ULK2: variants seen among roughly 807,000 people sequenced by gnomAD.
ULK2 encodes the protein unc-51 like autophagy activating kinase 2.
A neutral mutation model predicts 127.5 loss-of-function variants in ULK2; 76 were observed. The ratio of observed to expected loss-of-function variants is 0.60; its 90% confidence interval spans 0.50 to 0.72. The LOEUF (loss-of-function observed/expected upper bound fraction) is 0.72. Ranked by LOEUF, ULK2 falls within the 30% of genes least tolerant of loss-of-function variation. The pLI is 0.00. For synonymous variants in ULK2, 452 were observed against 461.9 expected, an observed-to-expected ratio of 0.98 and a Z score of 0.28; for missense variants, 1,144 against 1,295.9, an observed-to-expected ratio of 0.88 and a Z score of 1.80.
intron 25 of ULK2, among the ~76,000 whole-genome samples, chr17:19,780,216 T>C (rs1164961391): frequency 1.3e-5 from 2 of 151,538 alleles, no homozygotes; most frequent in Non-Finnish European, 2.9e-5. Flanking sequence ...TCATGCCTAA[T>C]GCCAGCAATG....
intron 20 of ULK2, among the ~76,000 whole-genome samples, chr17:19,787,689 A>G (rs1028073973): frequency 1.6e-4 from 24 of 152,366 alleles, no homozygotes; most frequent in Non-Finnish European, 2.5e-4. Flanking sequence ...AGAAGGCTCC[A>G]CCAATTGTAC....
chr17:19,793,761 G>A (rs2087207365), intron 20 of ULK2, among the ~76,000 whole-genome samples: 1 of 152,010 alleles, frequency 6.6e-6, no homozygotes, highest in African/African-American at 2.4e-5. Flanking sequence ...CACACTAAAG[G>A]CCTATTTAAC....
rs145117582 is a variant in ULK2, at chr17:19,831,805, C to T, written c.788-5619G>A. Among the ~76,000 whole-genome samples the T allele has an allele frequency of 3.2e-3, 477 of 150,388 alleles. 1 individual carries two copies. The highest frequency in any genetic ancestry group is 5.3e-3 in the Non-Finnish European group (355 of 67,510). Reference sequence around the variant, plus strand: ...CTGTGCCACTGCACTCCAGCCTGGGCGACAGAGCAAGACTCTGTCTCAAAA... The same window carrying T: ...CTGTGCCACTGCACTCCAGCCTGGGTGACAGAGCAAGACTCTGTCTCAAAA... On this transcript the variant is annotated intron_variant, in intron 10 of 26. Transcript: ENST00000395544.
chr17:19,843,499 A>G (rs1597800943), intron 7 of ULK2, among the ~76,000 whole-genome samples: 1 of 152,114 alleles, frequency 6.6e-6, no homozygotes, highest in East Asian at 1.9e-4. Flanking sequence ...AAGTACAGTA[A>G]GAGGGCCGAA....
At chr17:19,814,439 T>TATATATATATATATATACACACATATATA in intron 13 of ULK2, among the ~76,000 whole-genome samples, 1 of 10,004 alleles carries the variant, frequency 1.0e-4, no homozygotes, top group African/African-American at 2.1e-4. Context: ...TATATATATA[T>TATATATATATATATATACACACATATATA]TTTTTTTTTT....
In ULK2 at chr17:19,846,885, C is replaced by T. The variant is rs141336482; in HGVS notation, c.321G>A (p.Thr107=). Residue 107 remains threonine, a synonymous_variant, in exon 6 of 27, where the codon ACG becomes ACA. Transcript: ENST00000395544. ...CAATCTGATGCAGAAACACTCTGAT[C>T]GTGTCTTCACTGAGAGTCCCTTTCG... is the stretch of plus-strand genomic sequence containing the variant. ...LQAKGTLSED[T]IRVFLHQIAA... is the part of the protein sequence containing the mutation. 8.6e-5 allele frequency: 138 copies of T among 1,611,892 alleles called. 1 individual carries two copies. The South Asian group carries it at 1.1e-3, about 12-fold the overall frequency.
intron 20 of ULK2, among the ~76,000 whole-genome samples, chr17:19,793,366 C>T (rs1330735029): frequency 6.6e-6 from 1 of 152,224 alleles, no homozygotes; most frequent in Admixed American, 6.5e-5. Flanking sequence ...TATCAATGGT[C>T]AACCGAGTTT....
Position 19,796,153 on chromosome 17 carries a change from A to G in ULK2, c.1939T>C (p.Leu647=), listed in dbSNP as rs2087265682. 2 of 1,614,080 alleles carry G rather than the reference A, an allele frequency of 1.2e-6. No homozygotes were observed. The highest frequency in any genetic ancestry group is 1.3e-5 in the African/African-American group (1 of 74,926). The part of the protein sequence containing the change: ...NEPRECAHCL[L]VQGSERQRAE... ...CGCTGCCTCTCACTTCCTTGCACTA[A>G]GAGGCAATGGGCACATTCCCGTGGC... Residue 647 remains leucine (L), a synonymous_variant, in exon 19 of 27, where the codon TTA becomes CTA. Transcript: ENST00000395544.
At chr17:19,809,621 T>G (rs555614478) in intron 14 of ULK2, among the ~76,000 whole-genome samples, 83 of 150,524 alleles carry the variant, frequency 5.5e-4, no homozygotes, top group Non-Finnish European at 9.1e-4. Flanking sequence ...TAATCCCATC[T>G]ACTCAGGAGG....
At chr17:19,825,318 G>A in intron 11 of ULK2, 136 bp from the exon 12 acceptor site, 1 of 659,388 alleles carries the variant, frequency 1.5e-6, no homozygotes, top group East Asian at 2.8e-5. Context: ...TACCACATCT[G>A]CTGATGAAAC....
At chr17:19,851,938 C>A (rs957343766) in intron 3 of ULK2, among the ~76,000 whole-genome samples, 1 of 145,316 alleles carries the variant, frequency 6.9e-6, no homozygotes, top group Non-Finnish European at 1.5e-5. Context: ...CCCAACTACT[C>A]AGGAGGCTGA....
Position 19,867,397 on chromosome 17 carries a change from GAA to G in ULK2, c.19_20del (p.Phe7ArgfsTer26). On this transcript the variant is annotated frameshift_variant, in exon 1 of 27. Coordinates refer to ENST00000395544, the MANE Select transcript of ULK2 (RefSeq NM_014683.4). LOFTEE classifies it high-confidence loss of function. MEVVGD[F>X]EYSKRDLVGH... ...CCACGAGATCCCTCTTGCTGTACTC[GAA>G]GTCACCCACCACCTCCATGGCCGCG... The G allele has an allele frequency of 6.2e-7, 1 of 1,600,398 alleles. No homozygotes were observed. Among genetic ancestry groups the G allele is most frequent in the Non-Finnish European group, 8.5e-7 (1 of 1,174,836 alleles).
intron 10 of ULK2, among the ~76,000 whole-genome samples, chr17:19,837,540 G>A (rs539611027): frequency 6.6e-5 from 10 of 152,230 alleles, no homozygotes; most frequent in African/African-American, 2.4e-4. Flanking sequence ...ATATCCAATG[G>A]TTATCTTAAA....
chr17:19,809,084 T>A (rs2087572362), intron 14 of ULK2, among the ~76,000 whole-genome samples: 1 of 152,132 alleles, frequency 6.6e-6, no homozygotes, highest in African/African-American at 2.4e-5. Context: ...GGAATATAAT[T>A]CAGCTGTAAA....
intron 14 of ULK2, among the ~76,000 whole-genome samples, chr17:19,809,522 A>G (rs1018313252): frequency 4.0e-5 from 6 of 151,084 alleles, no homozygotes; most frequent in African/African-American, 1.5e-4. Context: ...ACCTGAGGTC[A>G]GGAGTTTGAG....
intron 8 of ULK2, among the ~76,000 whole-genome samples, chr17:19,842,298 A>G (rs899548752): frequency 2.0e-5 from 3 of 149,958 alleles, no homozygotes; most frequent in African/African-American, 7.4e-5. Flanking sequence ...CCCAGGTTCA[A>G]GCGATTCTCC....
At chr17:19,821,988 CCTTAT>C (rs1358895611) in intron 12 of ULK2, among the ~76,000 whole-genome samples, 1 of 150,400 alleles carries the variant, frequency 6.6e-6, no homozygotes, top group East Asian at 2.0e-4. Flanking sequence ...ACCCAGCTGA[CCTTAT>C]CTTTTTTTTT....
intron 14 of ULK2, among the ~76,000 whole-genome samples, chr17:19,806,180 C>G (rs1172774322): frequency 2.0e-5 from 3 of 152,138 alleles, no homozygotes; most frequent in African/African-American, 7.2e-5. Context: ...TCTGACAACC[C>G]AAGTTCCTTA....
In ULK2 at chr17:19,776,120, C is replaced by T. The variant is rs2086807480; in HGVS notation, c.*229G>A. ...AAACTGGGAGCCAAACACTCTTGCTCCTGCTTCTACAAAGAAAAAGGGAAA... is the reference window on the plus strand; with the variant it reads ...AAACTGGGAGCCAAACACTCTTGCTTCTGCTTCTACAAAGAAAAAGGGAAA... On this transcript the variant is annotated 3_prime_UTR_variant, in exon 27 of 27. Coordinates refer to ENST00000395544, the MANE Select transcript of ULK2 (RefSeq NM_014683.4). 2.0e-6 allele frequency: 1 copy of T among 495,048 alleles called. No homozygotes were observed. Among genetic ancestry groups the T allele is most frequent in the Non-Finnish European group, 3.6e-6 (1 of 276,428 alleles). The allele number at this position is 495,048 out of a possible 1,614,324, so 30.7% of individuals were successfully genotyped here. A position where few individuals can be genotyped will look rare whatever the true frequency, so the allele number is the denominator to read the frequency against.
Sources: allele counts gnomAD v4.1 joint callset (sites outside exome capture counted in the v4.1 genomes callset), GRCh38; gene constraint gnomAD v4.1.1; transcripts MANE v1.5; gene names NCBI Gene and HGNC (gene_info 2026-07-23, HGNC 2026-07-21).